SUGCT: variants seen among roughly 807,000 people sequenced by gnomAD.
SUGCT encodes succinyl-CoA:glutarate-CoA transferase, also known as succinyl-CoA:glutarate CoA-transferase.
A neutral mutation model predicts 55.0 loss-of-function variants in SUGCT; 41 were observed. The ratio of observed to expected loss-of-function variants is 0.74; its 90% CI spans 0.58 to 0.97. The LOEUF (loss-of-function observed/expected upper bound fraction) is 0.97, where lower values mean the gene tolerates loss of function less well. Among genes scored for constraint, SUGCT ranks in the 50% least tolerant of loss-of-function variants. The pLI is 0.00. For missense variants in SUGCT, 568 were observed against 547.8 expected (o/e 1.04, Z -0.37); for synonymous variants, 187 against 200.4 (o/e 0.93, Z 0.56).
At chr7:40,425,705 A>T (rs1160945759) in intron 9 of SUGCT, among the ~76,000 whole-genome samples, 2 of 152,124 alleles carry the variant, frequency 1.3e-5, no homozygotes. Context: ...TTGTGGAATT[A>T]CCTAGATGGA....
intron 9 of SUGCT, among the ~76,000 whole-genome samples, chr7:40,423,208 A>G (rs989033851): frequency 6.6e-6 from 1 of 152,084 alleles, no homozygotes; most frequent in Non-Finnish European, 1.5e-5. Context: ...ATGGAGTCTC[A>G]TTTCTTATTT....
chr7:40,552,031 G>A (rs1396092992), intron 12 of SUGCT, among the ~76,000 whole-genome samples: 3 of 152,138 alleles, frequency 2.0e-5, no homozygotes, highest in Non-Finnish European at 1.5e-5. Flanking sequence ...GAAAACAAAA[G>A]CATCTATGAG....
chr7:40,338,782 T>C (rs1393584878), intron 9 of SUGCT, among the ~76,000 whole-genome samples: 1 of 152,246 alleles, frequency 6.6e-6, no homozygotes, highest in East Asian at 1.9e-4. Context: ...TTTGTTCCAT[T>C]GCTGGCAAGG....
downstream of SUGCT, among the ~76,000 whole-genome samples, chr7:40,865,392 C>T (rs925466954): frequency 6.6e-6 from 1 of 152,152 alleles, no homozygotes; most frequent in Non-Finnish European, 1.5e-5. Flanking sequence ...TCTTTAATAA[C>T]TAGCTGCCAC....
At chr7:41,032,039 A>T in the SUGCT span, among the ~76,000 whole-genome samples, 2 of 152,110 alleles carry the variant, frequency 1.3e-5, no homozygotes, top group African/African-American at 4.8e-5. Context: ...AATTAGACTG[A>T]AGATGCTTGA....
intron 13 of SUGCT, among the ~76,000 whole-genome samples, chr7:40,783,121 C>A (rs916787933): frequency 2.0e-5 from 3 of 152,164 alleles, no homozygotes; most frequent in Non-Finnish European, 2.9e-5. Context: ...GTGAGACACC[C>A]AGCCAGAAAT....
chr7:40,338,627 G>A (rs1193197012), intron 9 of SUGCT, among the ~76,000 whole-genome samples: 1 of 152,046 alleles, frequency 6.6e-6, no homozygotes, highest in Non-Finnish European at 1.5e-5. Flanking sequence ...CTCTACACTG[G>A]TTATTCTAGT....
chr7:40,237,580 A>C, intron 6 of SUGCT, 55 bp from the exon 7 acceptor site: 1 of 1,293,858 alleles, frequency 7.7e-7, no homozygotes. Context: ...TATATTGTAC[A>C]GTGGTTTTAG....
the SUGCT span, among the ~76,000 whole-genome samples, chr7:41,011,847 G>A: frequency 2.6e-5 from 4 of 152,160 alleles, no homozygotes; most frequent in African/African-American, 7.2e-5. Flanking sequence ...CACTGGGAAT[G>A]CACTGGTGGG....
intron 12 of SUGCT, among the ~76,000 whole-genome samples, chr7:40,647,554 G>GCCT (rs1463228154): frequency 1.3e-5 from 2 of 152,236 alleles, no homozygotes; most frequent in East Asian, 3.9e-4. Flanking sequence ...GAGACACGTA[G>GCCT]AAGTTAGGCC....
intron 12 of SUGCT, among the ~76,000 whole-genome samples, chr7:40,606,489 G>A (rs1210962308): frequency 6.6e-6 from 1 of 152,142 alleles, no homozygotes; most frequent in Non-Finnish European, 1.5e-5. Flanking sequence ...GTCTTTGTGT[G>A]GAATACAGGG....
chr7:40,924,455 G>A, the SUGCT span, among the ~76,000 whole-genome samples: 1 of 152,102 alleles, frequency 6.6e-6, no homozygotes, highest in Non-Finnish European at 1.5e-5. Context: ...TTGCCAGGTT[G>A]CCCCACCCAG....
chr7:40,561,592 A>G (rs1192680853), intron 12 of SUGCT, among the ~76,000 whole-genome samples: 3 of 152,066 alleles, frequency 2.0e-5, no homozygotes, highest in South Asian at 2.1e-4. Flanking sequence ...CTTTGAGGAC[A>G]TCATAACTTG....
chr7:40,201,746 C>G (rs972937805), intron 6 of SUGCT, among the ~76,000 whole-genome samples: 1 of 152,094 alleles, frequency 6.6e-6, no homozygotes, highest in Non-Finnish European at 1.5e-5. Context: ...CAGAAAATGA[C>G]TTTATGCCTT....
chr7:40,145,464 GA>G (rs367684812), intron 1 of SUGCT, among the ~76,000 whole-genome samples: 89 of 149,692 alleles, frequency 5.9e-4, no homozygotes, highest in Middle Eastern at 3.5e-3. Flanking sequence ...TTTAGGACAA[GA>G]ATTTACTATA....
intron 11 of SUGCT, among the ~76,000 whole-genome samples, chr7:40,470,303 A>T (rs1790339279): frequency 1.3e-5 from 2 of 151,730 alleles, no homozygotes; most frequent in Admixed American, 6.6e-5. Context: ...TTCTATTCTT[A>T]TCTCCTCTTA....
chr7:40,402,486 C>A (rs1039129484), intron 9 of SUGCT, among the ~76,000 whole-genome samples: 11 of 151,928 alleles, frequency 7.2e-5, no homozygotes, highest in African/African-American at 2.7e-4. Context: ...TTTTCATAAA[C>A]TTCTATGGGG....
intron 9 of SUGCT, among the ~76,000 whole-genome samples, chr7:40,384,497 T>C (rs1253761326): frequency 6.6e-6 from 1 of 152,182 alleles, no homozygotes; most frequent in Non-Finnish European, 1.5e-5. Context: ...CATCCAGTAG[T>C]TGACAAGGTG....
intron 9 of SUGCT, among the ~76,000 whole-genome samples, chr7:40,399,858 TA>T (rs773134602): frequency 1.3e-5 from 2 of 152,054 alleles, no homozygotes; most frequent in Non-Finnish European, 2.9e-5. Flanking sequence ...ATTATAATGG[TA>T]GTTGTAGGGT....
Sources: gnomAD v4.1 joint callset for allele counts (sites outside exome capture counted in the v4.1 genomes callset) on GRCh38, gnomAD v4.1.1 for gene constraint, MANE v1.5 for transcripts, NCBI Gene and HGNC (gene_info 2026-07-23, HGNC 2026-07-21) for gene names.